Variants in SUCLG2 observed in about 807,000 individuals in gnomAD.
The protein encoded by SUCLG2 is succinate--CoA ligase [GDP-forming] subunit beta, mitochondrial.
Under a neutral mutation model 47.9 loss-of-function variants are expected in SUCLG2, and 42 were observed. The observed-to-expected ratio is 0.88, with a 90% CI of 0.69 to 1.14. The LOEUF is 1.14. Among genes scored for constraint, SUCLG2 ranks in the 50% most tolerant of loss-of-function variants. The pLI, the probability that SUCLG2 is intolerant of heterozygous loss-of-function variation, is 0.00. For missense variants in SUCLG2, 571 were observed against 525.9 expected (o/e 1.09, Z -0.84); for synonymous variants, 195 against 197.3 (o/e 0.99, Z 0.10).
chr3:67,380,596 T>C (rs1014083218), intron 10 of SUCLG2, among the ~76,000 whole-genome samples: 1 of 152,146 alleles, frequency 6.6e-6, no homozygotes, highest in African/African-American at 2.4e-5. Context: ...ATTCTCATAT[T>C]CAAATATGAA....
At chr3:67,629,640 C>T (rs979447960) in intron 1 of SUCLG2, among the ~76,000 whole-genome samples, 1 of 152,096 alleles carries the variant, frequency 6.6e-6, no homozygotes, top group Non-Finnish European at 1.5e-5. Context: ...CAGCCTCTCT[C>T]CCCTACTTAG....
intron 9 of SUCLG2, among the ~76,000 whole-genome samples, chr3:67,401,472 A>G (rs1190652377): frequency 1.3e-5 from 2 of 152,156 alleles, no homozygotes; most frequent in Non-Finnish European, 2.9e-5. Context: ...GAATGTAAGG[A>G]AAGTCAAGCT....
rs1706936427 is a variant in SUCLG2 at position 67,548,890 on chromosome 3, A to C, written c.227-19704T>G. ...ATGAGACTATCCAAAGGCGTATAAAAAAGGAATCAGCTTCCCCCATTACCA... is the reference window on the plus strand; with the variant it reads ...ATGAGACTATCCAAAGGCGTATAAACAAGGAATCAGCTTCCCCCATTACCA... On this transcript the variant is annotated intron_variant, in intron 2 of 10. Transcript: ENST00000307227. 2.0e-5 allele frequency among the ~76,000 whole-genome samples: 3 copies of C among 152,340 alleles called. No homozygotes were observed. In the South Asian group the frequency reaches 6.2e-4, roughly 32 times the overall value.
intron 2 of SUCLG2, among the ~76,000 whole-genome samples, chr3:67,603,919 G>C (rs981527327): frequency 6.6e-6 from 1 of 152,020 alleles, no homozygotes; most frequent in Non-Finnish European, 1.5e-5. Flanking sequence ...TAATCCATAA[G>C]AGAAAAAAAG....
intron 2 of SUCLG2, among the ~76,000 whole-genome samples, chr3:67,553,710 A>G (rs961151100): frequency 2.0e-5 from 3 of 152,188 alleles, no homozygotes; most frequent in Admixed American, 1.3e-4. Context: ...ATTAAAATAA[A>G]AGATTCCATA....
intron 10 of SUCLG2, among the ~76,000 whole-genome samples, chr3:67,363,924 A>G (rs1330350411): frequency 6.6e-6 from 1 of 152,174 alleles, no homozygotes; most frequent in Non-Finnish European, 1.5e-5. Context: ...GACACAACAC[A>G]GTGGTGAGTT....
intron 9 of SUCLG2, among the ~76,000 whole-genome samples, chr3:67,421,666 T>C (rs538778386): frequency 6.6e-6 from 1 of 152,232 alleles, no homozygotes; most frequent in Admixed American, 6.5e-5. Context: ...TTTACTGCTA[T>C]AAAAATGAAA....
At chr3:67,396,673 G>A (rs895590926) in intron 10 of SUCLG2, among the ~76,000 whole-genome samples, 4 of 152,132 alleles carry the variant, frequency 2.6e-5, no homozygotes, top group Admixed American at 2.6e-4. Flanking sequence ...CTCATTTTAT[G>A]AGGCCAGCAT....
intron 2 of SUCLG2, among the ~76,000 whole-genome samples, chr3:67,600,351 AAAAG>A (rs1353722933): frequency 1.3e-5 from 2 of 152,222 alleles, no homozygotes; most frequent in African/African-American, 2.4e-5. Flanking sequence ...AAAGAAGAAA[AAAAG>A]AAAGAGAACT....
chr3:67,389,225 G>A (rs1575663022), intron 10 of SUCLG2, among the ~76,000 whole-genome samples: 2 of 152,108 alleles, frequency 1.3e-5, no homozygotes, highest in East Asian at 3.9e-4. Flanking sequence ...TTAAATCTGT[G>A]AACCAGAAGA....
intron 9 of SUCLG2, among the ~76,000 whole-genome samples, chr3:67,407,690 C>G (rs1394081778): frequency 6.6e-6 from 1 of 152,126 alleles, no homozygotes; most frequent in African/African-American, 2.4e-5. Flanking sequence ...ATCACGAATG[C>G]TAATTTAGTC....
At chr3:67,512,134 C>T (rs1323033756) in intron 6 of SUCLG2, among the ~76,000 whole-genome samples, 1 of 151,148 alleles carries the variant, frequency 6.6e-6, no homozygotes, top group African/African-American at 2.5e-5. Flanking sequence ...ACCTTTTGAA[C>T]ATGCTTTTGT....
At chr3:67,394,955 TAC>T (rs894932625) in intron 10 of SUCLG2, among the ~76,000 whole-genome samples, 9 of 152,254 alleles carry the variant, frequency 5.9e-5, no homozygotes, top group African/African-American at 1.9e-4. Context: ...TGAAATACTT[TAC>T]AGACAAGCAA....
chr3:67,639,242 G>A (rs1359112115), intron 1 of SUCLG2, among the ~76,000 whole-genome samples: 1 of 152,192 alleles, frequency 6.6e-6, no homozygotes, highest in Non-Finnish European at 1.5e-5. Flanking sequence ...TACTTATGGA[G>A]GGGCTCAAAT....
chr3:67,384,656 G>T (rs1702224285), intron 10 of SUCLG2, among the ~76,000 whole-genome samples: 1 of 152,150 alleles, frequency 6.6e-6, no homozygotes, highest in Admixed American at 6.5e-5. Context: ...CTTCTGACTT[G>T]ATATAGTGGT....
downstream of SUCLG2, among the ~76,000 whole-genome samples, chr3:67,370,762 A>G (rs1701942469): frequency 6.6e-6 from 1 of 152,222 alleles, no homozygotes; most frequent in Non-Finnish European, 1.5e-5. Context: ...ATTTCATTGT[A>G]CTGTACTAAT....
intron 1 of SUCLG2, among the ~76,000 whole-genome samples, chr3:67,646,345 C>G (rs536300384): frequency 1.9e-3 from 294 of 152,274 alleles, no homozygotes; most frequent in Non-Finnish European, 3.7e-3. Flanking sequence ...GCCTTAATCC[C>G]AGCACTTTGT....
rs371306039 is a variant in SUCLG2 at position 67,603,931 on chromosome 3, A to G, written c.226+5524T>C. On this transcript the variant is annotated intron_variant, in intron 2 of 10. Coordinates refer to ENST00000307227, the MANE Select transcript of SUCLG2 (RefSeq NM_003848.4). ...ATTTAATCCATAAGAGAAAAAAAGT[A>G]TGTACTTATAAGCCTCCTAAGAAAA... Among the ~76,000 whole-genome samples, 20 of 152,340 alleles carry G rather than the reference A, an allele frequency of 1.3e-4. 1 individual carries two copies. Among genetic ancestry groups the G allele is most frequent in the African/African-American group, 4.1e-4 (17 of 41,584 alleles).
intron 10 of SUCLG2, among the ~76,000 whole-genome samples, chr3:67,394,651 A>T (rs1702478398): frequency 6.6e-6 from 1 of 151,980 alleles, no homozygotes. Flanking sequence ...GACAACATTC[A>T]GATTCAGGAA....
Sources: allele counts gnomAD v4.1 joint callset (sites outside exome capture counted in the v4.1 genomes callset), GRCh38; gene constraint gnomAD v4.1.1; transcripts MANE v1.5; gene names NCBI Gene and HGNC (gene_info 2026-07-23, HGNC 2026-07-21).